The following POR variants were observed in gnomAD, a reference collection of about 807,000 sequenced individuals.
POR encodes the protein NADPH--cytochrome P450 reductase.
A neutral mutation model predicts 84.0 loss-of-function variants in POR; 56 were observed. The ratio of observed to expected loss-of-function variants is 0.67; its 90% CI spans 0.54 to 0.83. The LOEUF (loss-of-function observed/expected upper bound fraction) is 0.83, where lower values mean the gene tolerates loss of function less well. Among genes scored for constraint, POR ranks in the 40% least tolerant of loss-of-function variants. The pLI, the probability that POR is intolerant of heterozygous loss-of-function variation, is 0.00. For missense variants in POR, 938 were observed against 944.3 expected, an observed-to-expected ratio of 0.99 and a Z score of 0.09; for synonymous variants, 414 against 400.5, an observed-to-expected ratio of 1.03 and a Z score of -0.40.
intron 1 of POR, among the ~76,000 whole-genome samples, chr7:75,940,581 G>A (rs1322926606): frequency 2.0e-5 from 3 of 150,194 alleles, no homozygotes; most frequent in Non-Finnish European, 3.0e-5. Context: ...TCAGGAGATC[G>A]AGACCATCCT....
intron 1 of POR, among the ~76,000 whole-genome samples, chr7:75,937,945 C>T (rs190793168): frequency 6.6e-6 from 1 of 152,304 alleles, no homozygotes; most frequent in African/African-American, 2.4e-5. Context: ...GCTGTGGTCT[C>T]GTCCCCTTGG....
At chr7:75,973,592 G>A (rs1025358375) in intron 3 of POR, among the ~76,000 whole-genome samples, 3 of 149,730 alleles carry the variant, frequency 2.0e-5, no homozygotes, top group Non-Finnish European at 4.4e-5. Context: ...TGCTGGGACT[G>A]TAGGTGCGAG....
intron 1 of POR, among the ~76,000 whole-genome samples, chr7:75,919,501 G>C (rs947057902): frequency 8.6e-5 from 13 of 151,946 alleles, no homozygotes; most frequent in Non-Finnish European, 1.9e-4. Flanking sequence ...GGGTTCACTG[G>C]AGCCACGTTC....
At chr7:75,930,044 C>T (rs1807332201) in intron 1 of POR, among the ~76,000 whole-genome samples, 1 of 152,148 alleles carries the variant, frequency 6.6e-6, no homozygotes, top group South Asian at 2.1e-4. Flanking sequence ...CAGTAACTTG[C>T]TTGGTCCTTA....
At position 75,985,706 on chromosome 7, in the gene POR, G is replaced by A. The variant is rs782132423; in HGVS notation, c.1526G>A (p.Arg509His). Residue 509 changes from arginine (R) to histidine (H), a missense_variant, in exon 13 of 16, where the codon CGT becomes CAT. Coordinates refer to ENST00000461988, the MANE Select transcript of POR (RefSeq NM_000941.3). ...GAGCCTGCCGGGGAGAACGGCGGCCGTGCGCTGGTGCCCATGTTCGTGCGC... is the reference window on the plus strand; with the variant it reads ...GAGCCTGCCGGGGAGAACGGCGGCCATGCGCTGGTGCCCATGTTCGTGCGC... 21 of 1,586,962 alleles carry A rather than the reference G, an allele frequency of 1.3e-5. No homozygotes were observed. Among genetic ancestry groups the A allele is most frequent in the South Asian group, 4.6e-5 (4 of 86,900 alleles).
chr7:75,942,372 A>G (rs1434778167), intron 1 of POR, among the ~76,000 whole-genome samples: 1 of 152,230 alleles, frequency 6.6e-6, no homozygotes, highest in African/African-American at 2.4e-5. Flanking sequence ...ATATCTTTTC[A>G]CACAAATAGG....
intron 1 of POR, among the ~76,000 whole-genome samples, chr7:75,940,240 C>A (rs1016125827): frequency 6.6e-6 from 1 of 151,716 alleles, no homozygotes; most frequent in Non-Finnish European, 1.5e-5. Context: ...CGCACCACCA[C>A]GCCTGGCTAG....
At chr7:75,981,198 T>G (rs1554557787) in intron 6 of POR, 26 bp downstream of exon 6, 1 of 1,520,394 alleles carries the variant, frequency 6.6e-7, no homozygotes, top group Admixed American at 2.0e-5. Context: ...GCCACCATGA[T>G]CAGCGCGGCG....
At position 75,983,817 on chromosome 7, in the gene POR, G is replaced by C; in HGVS notation, c.1027G>C (p.Ala343Pro). ...CAACCAGCTGGGCAAAATCCTGGGT[G>C]CCGACCTGGACGTCGTCATGTCCCT... Residue 343 changes from alanine to proline, a missense_variant, in exon 10 of 16, where the codon GCC becomes CCC. Ala to Pro is a conservative substitution (Grantham distance 27). Transcript: ENST00000461988. 6.2e-7 allele frequency: 1 copy of C among 1,611,942 alleles called. No individual in the cohort carries two copies. Among genetic ancestry groups the C allele is most frequent in the Non-Finnish European group, 8.5e-7 (1 of 1,179,544 alleles).
At chr7:75,954,975 T>A (rs1266450141) in intron 2 of POR, among the ~76,000 whole-genome samples, 3 of 152,154 alleles carry the variant, frequency 2.0e-5, no homozygotes, top group Non-Finnish European at 4.4e-5. Flanking sequence ...CCCAAAGTGC[T>A]GGGATTACAG....
chr7:75,979,623 A>G (rs782117704), intron 4 of POR, 44 bp downstream of exon 4: 2 of 1,607,206 alleles, frequency 1.2e-6, no homozygotes, highest in Non-Finnish European at 1.7e-6. Flanking sequence ...GGCAGTGGGT[A>G]GGACAGGGAG....
chr7:75,959,630 AT>A (rs200291068), intron 2 of POR, among the ~76,000 whole-genome samples: 2,084 of 152,152 alleles, frequency 0.014, 35 homozygotes, highest in African/African-American at 0.048. Context: ...TAATTTTTGT[AT>A]TTTTAGTAGA....
chr7:75,919,942 G>A (rs1806769950), intron 1 of POR, among the ~76,000 whole-genome samples: 2 of 151,932 alleles, frequency 1.3e-5, no homozygotes, highest in Non-Finnish European at 2.9e-5. Flanking sequence ...ACCTAGCTGA[G>A]AGAATTGTAC....
intron 3 of POR, among the ~76,000 whole-genome samples, chr7:75,978,946 G>A (rs1325319922): frequency 6.6e-6 from 1 of 152,040 alleles, no homozygotes; most frequent in Non-Finnish European, 1.5e-5. Context: ...ACAGGTGCAC[G>A]CCACCATGCC....
At chr7:75,921,666 C>G (rs1291116076) in intron 1 of POR, among the ~76,000 whole-genome samples, 7 of 152,194 alleles carry the variant, frequency 4.6e-5, no homozygotes, top group Admixed American at 4.6e-4. Flanking sequence ...CTTCCCCTCC[C>G]TACCACGTTC....
chr7:75,970,748 C>CAA (rs1272432496), intron 2 of POR, among the ~76,000 whole-genome samples: 1 of 123,782 alleles, frequency 8.1e-6, no homozygotes, highest in Admixed American at 8.2e-5. Context: ...GACTCCATCT[C>CAA]AAAAAAAAAA....
intron 2 of POR, among the ~76,000 whole-genome samples, chr7:75,967,301 C>T (rs896698132): frequency 2.6e-5 from 4 of 152,160 alleles, no homozygotes; most frequent in Admixed American, 1.3e-4. Context: ...GGGCTGTTTG[C>T]ACTCGGGAAC....
intron 1 of POR, among the ~76,000 whole-genome samples, chr7:75,917,380 CTTCTTTT>C (rs1435037735): frequency 1.1e-4 from 14 of 125,986 alleles, no homozygotes; most frequent in African/African-American, 2.4e-4. Context: ...CTTATTTCTT[CTTCTTTT>C]TTTTTTTTTT....
At chr7:75,984,675 G>A in intron 10 of POR, 102 bp from the exon 11 acceptor site, 2 of 1,039,494 alleles carry the variant, frequency 1.9e-6, no homozygotes, top group Non-Finnish European at 3.0e-6. Context: ...TGGGGCACCT[G>A]TTGCCGCAGA....
Sources: gnomAD v4.1 joint callset for allele counts (sites outside exome capture counted in the v4.1 genomes callset) on GRCh38, gnomAD v4.1.1 for gene constraint, MANE v1.5 for transcripts, NCBI Gene and HGNC (gene_info 2026-07-23, HGNC 2026-07-21) for gene names.